IL19: variants seen among roughly 807,000 people sequenced by gnomAD.
IL19 encodes interleukin 19.
IL19 carries 15 observed loss-of-function variants against 19.5 expected under a neutral mutation model. That is an observed-to-expected ratio of 0.77 (90% CI 0.52 to 1.19). The LOEUF is 1.19. Ranked by LOEUF, IL19 falls within the 50% of genes most tolerant of loss-of-function variation. The pLI is 0.00. For synonymous variants in IL19, 78 were observed against 78.3 expected, an observed-to-expected ratio of 1.00 and a Z score of 0.02; for missense variants, 199 against 213.1, an observed-to-expected ratio of 0.93 and a Z score of 0.41.
chr1:206,829,046 G>A (rs1016877857), intron 2 of IL19: 2 of 130,374 alleles, frequency 1.5e-5, no homozygotes, highest in African/African-American at 3.0e-5. Context: ...ATGTGGTCTC[G>A]CTTTGTTGCC....
At chr1:206,793,315 C>T (rs375893155) in intron 1 of IL19, among the ~76,000 whole-genome samples, 88 of 152,290 alleles carry the variant, frequency 5.8e-4, no homozygotes, top group Middle Eastern at 3.4e-3. Flanking sequence ...GTGATGGCTG[C>T]TTTAGGGGCA....
intron 2 of IL19, among the ~76,000 whole-genome samples, chr1:206,819,760 C>T (rs566478975): frequency 6.6e-6 from 1 of 152,308 alleles, no homozygotes; most frequent in African/African-American, 2.4e-5. Flanking sequence ...AGCACTATTA[C>T]AAGCAACTTA....
intron 1 of IL19, among the ~76,000 whole-genome samples, chr1:206,782,791 A>G (rs1429126851): frequency 6.6e-6 from 1 of 152,048 alleles, no homozygotes; most frequent in Non-Finnish European, 1.5e-5. Flanking sequence ...AGGGGCACAG[A>G]GCTGTTGGAC....
chr1:206,793,114 C>G (rs151141292), intron 1 of IL19, among the ~76,000 whole-genome samples: 14 of 152,276 alleles, frequency 9.2e-5, no homozygotes, highest in African/African-American at 3.1e-4. Context: ...TGTGGGACAC[C>G]CACGCAAGCC....
At chr1:206,771,508 T>G (rs1674840413) in intron 1 of IL19, 1 of 1,141,958 alleles carries the variant, frequency 8.8e-7, no homozygotes, top group East Asian at 2.6e-5. Flanking sequence ...AGATTTTTTT[T>G]TTTAAATAAA....
rs569216621 is a variant in IL19, at chr1:206,807,513, C to T, written c.-3+8507C>T. On this transcript the variant is annotated intron_variant, in intron 2 of 6. Transcript: ENST00000659997. Reference sequence around the variant, plus strand: ...AACCTGGAACTCTCTCCCCTCAACCCTTTCTTTTCCTGGCTCCTTCTTTCT... The same window carrying T: ...AACCTGGAACTCTCTCCCCTCAACCTTTTCTTTTCCTGGCTCCTTCTTTCT... Among the ~76,000 whole-genome samples the T allele has an allele frequency of 8.5e-5, 13 of 152,330 alleles. No individual in the cohort carries two copies. In the East Asian group the frequency reaches 2.3e-3, roughly 27 times the overall value.
intron 1 of IL19, among the ~76,000 whole-genome samples, chr1:206,778,985 T>C (rs999126451): frequency 2.0e-5 from 3 of 152,162 alleles, no homozygotes; most frequent in Non-Finnish European, 2.9e-5. Flanking sequence ...GGCTTGTCTG[T>C]CATAATATAA....
chr1:206,802,397 A>T (rs1675735813), intron 2 of IL19, among the ~76,000 whole-genome samples: 1 of 152,066 alleles, frequency 6.6e-6, no homozygotes, highest in Non-Finnish European at 1.5e-5. Context: ...ATGTACCAAA[A>T]CCTGGGCTAA....
chr1:206,842,360 G>T (rs768087978), intron 6 of IL19, among the ~76,000 whole-genome samples, 167 bp from the exon 7 acceptor site: 32 of 152,190 alleles, frequency 2.1e-4, no homozygotes, highest in Non-Finnish European at 3.4e-4. Context: ...AAAATTGGTT[G>T]CCTGCGAGGA....
At chr1:206,798,823 CT>C in intron 1 of IL19, 37 bp from the exon 2 acceptor site, 5 of 1,175,760 alleles carry the variant, frequency 4.3e-6, no homozygotes, top group Non-Finnish European at 6.2e-6. Context: ...CTGAGTGTAC[CT>C]TTTTGTAATG....
Position 206,842,866 on chromosome 1 carries a change from A to T in IL19, c.*244A>T. ...CCTGGGAGTAAAGGGCTGCCTTCCCATCTAATTTATTGTAAAGTCATATAG... is the reference window on the plus strand; with the variant it reads ...CCTGGGAGTAAAGGGCTGCCTTCCCTTCTAATTTATTGTAAAGTCATATAG... On this transcript the variant is annotated 3_prime_UTR_variant, in exon 7 of 7. Transcript: ENST00000659997. 1 of 422,984 alleles carries T rather than the reference A, an allele frequency of 2.4e-6. No homozygotes were observed. The highest frequency in any genetic ancestry group is 4.0e-5 in the East Asian group (1 of 25,304). The allele number at this position is 422,984 out of a possible 1,614,324, so 26.2% of individuals were successfully genotyped here.
At chr1:206,789,064 C>G (rs945703902) in intron 1 of IL19, among the ~76,000 whole-genome samples, 1 of 152,126 alleles carries the variant, frequency 6.6e-6, no homozygotes, top group East Asian at 1.9e-4. Flanking sequence ...GCTAGAGTGA[C>G]CTTTTCCTTT....
rs193209918 is a variant in IL19 at position 206,800,911 on chromosome 1, G to T, written c.-3+1905G>T. On this transcript the variant is annotated intron_variant, in intron 2 of 6. Transcript: ENST00000659997. ...GCATGAGGACCAGGCACAGCCTGGAGACCAACCACCTCTGGCCAGAAACAT... is the reference window on the plus strand; with the variant it reads ...GCATGAGGACCAGGCACAGCCTGGATACCAACCACCTCTGGCCAGAAACAT... Among the ~76,000 whole-genome samples the T allele has an allele frequency of 5.4e-4, 83 of 152,304 alleles. 2 individuals carry two copies. In the East Asian group the frequency reaches 0.013, roughly 23 times the overall value.
At chr1:206,806,462 GATTT>G (rs1046776437) in intron 2 of IL19, among the ~76,000 whole-genome samples, 3 of 152,134 alleles carry the variant, frequency 2.0e-5, no homozygotes, top group African/African-American at 7.2e-5. Context: ...GCATTTTTCA[GATTT>G]ATTTTCCATA....
intron 4 of IL19, among the ~76,000 whole-genome samples, chr1:206,837,798 G>C (rs558806684): frequency 1.3e-5 from 2 of 152,180 alleles, no homozygotes; most frequent in Non-Finnish European, 2.9e-5. Context: ...GCTGCAGTGA[G>C]CCATGATTGT....
intron 2 of IL19, among the ~76,000 whole-genome samples, chr1:206,818,089 C>T (rs1676208286): frequency 6.6e-6 from 1 of 152,152 alleles, no homozygotes; most frequent in Non-Finnish European, 1.5e-5. Context: ...TTTCAATACC[C>T]ATTTCTCAAT....
intron 2 of IL19, among the ~76,000 whole-genome samples, chr1:206,802,530 T>C (rs1413376383): frequency 6.6e-6 from 1 of 152,158 alleles, no homozygotes; most frequent in Admixed American, 6.5e-5. Flanking sequence ...ACGAAGCCAA[T>C]AAGTGATGGA....
chr1:206,790,796 A>G (rs1675383140), intron 1 of IL19, among the ~76,000 whole-genome samples: 1 of 152,094 alleles, frequency 6.6e-6, no homozygotes, highest in Non-Finnish European at 1.5e-5. Context: ...GGTGCTGGAA[A>G]GTTGTTAGGG....
chr1:206,782,452 TAGG>T (rs1675170193), intron 1 of IL19, among the ~76,000 whole-genome samples: 1 of 152,024 alleles, frequency 6.6e-6, no homozygotes, highest in African/African-American at 2.4e-5. Flanking sequence ...TGAGGACAAG[TAGG>T]AGGAGAATGA....
Sources: gnomAD v4.1 joint callset for allele counts (sites outside exome capture counted in the v4.1 genomes callset) on GRCh38, gnomAD v4.1.1 for gene constraint, MANE v1.5 for transcripts, NCBI Gene and HGNC (gene_info 2026-07-23, HGNC 2026-07-21) for gene names.